Variants in SNTG2 observed in about 807,000 individuals in gnomAD.
The protein encoded by SNTG2 is gamma-2-syntrophin.
SNTG2 carries 74 observed loss-of-function variants against 70.9 expected under a neutral mutation model. The observed-to-expected ratio is 1.04, with a 90% confidence interval of 0.86 to 1.27. The LOEUF (loss-of-function observed/expected upper bound fraction) is 1.27. Among genes scored for constraint, SNTG2 ranks in the 50% most tolerant of loss-of-function variants. SNTG2 has a pLI of 0.00. For missense variants in SNTG2, 717 were observed against 690.7 expected (o/e 1.04, Z -0.43); for synonymous variants, 278 against 273.8 (o/e 1.02, Z -0.15).
chr2:980,496 GT>G (rs1253922829), intron 1 of SNTG2, among the ~76,000 whole-genome samples: 3 of 152,074 alleles, frequency 2.0e-5, no homozygotes, highest in African/African-American at 7.2e-5. Flanking sequence ...CAACATTCAC[GT>G]TTTCATCTTG....
At chr2:1,190,998 C>A (rs1225637721) in intron 8 of SNTG2, among the ~76,000 whole-genome samples, 1 of 152,092 alleles carries the variant, frequency 6.6e-6, no homozygotes, top group Non-Finnish European at 1.5e-5. Flanking sequence ...TTTACATGCT[C>A]CTTCAGAGAC....
rs200015729 is a variant in SNTG2 at position 1,329,259 on chromosome 2, AAAC to A, written c.1488+12899_1488+12901del. ...ATTTAGCTTAAGAGAAAAGGCTAAA[AAAC>A]AACAACAACAACAAAAAATGTCTAT... is the stretch of plus-strand genomic sequence containing the variant. On this transcript the variant is annotated intron_variant, in intron 16 of 16. Transcript: ENST00000308624. 2.7e-3 allele frequency among the ~76,000 whole-genome samples: 414 copies of A among 152,296 alleles called. 1 individual carries two copies. Among genetic ancestry groups the A allele is most frequent in the South Asian group, 0.012 (60 of 4,828 alleles).
At chr2:982,652 G>A (rs1661145636) in intron 1 of SNTG2, among the ~76,000 whole-genome samples, 1 of 152,214 alleles carries the variant, frequency 6.6e-6, no homozygotes, top group South Asian at 2.1e-4. Flanking sequence ...GCATGCAGTG[G>A]GTTTCTGAAA....
intron 8 of SNTG2, among the ~76,000 whole-genome samples, chr2:1,189,568 T>TC (rs908282956): frequency 9.9e-5 from 15 of 151,964 alleles, no homozygotes; most frequent in African/African-American, 3.4e-4. Flanking sequence ...CTCTAACTTT[T>TC]TTTTTTTTGA....
rs61044800 is a variant in SNTG2, at chr2:985,632, A to G, written c.72+34564A>G. Among the ~76,000 whole-genome samples the G allele has an allele frequency of 5.0e-3, 755 of 152,188 alleles. 8 individuals are homozygous for G. The highest frequency in any genetic ancestry group is 0.015 in the African/African-American group (634 of 41,544). On this transcript the variant is annotated intron_variant, in intron 1 of 16. Transcript: ENST00000308624. ...GAGAAACAGATGCTGGTAAACTGAT[A>G]TCTCAGGCCTTCAGTCAGAAATCTA...
chr2:1,028,444 G>A (rs974495142), intron 1 of SNTG2, among the ~76,000 whole-genome samples: 1 of 152,240 alleles, frequency 6.6e-6, no homozygotes, highest in African/African-American at 2.4e-5. Flanking sequence ...ATGGACATCT[G>A]TAGTGTTTAA....
At chr2:1,026,843 C>T (rs950774873) in intron 1 of SNTG2, among the ~76,000 whole-genome samples, 2 of 152,204 alleles carry the variant, frequency 1.3e-5, no homozygotes, top group African/African-American at 2.4e-5. Flanking sequence ...CTCTTTGCCT[C>T]CTCCTTTTGC....
chr2:977,878 A>G (rs1660963978), intron 1 of SNTG2, among the ~76,000 whole-genome samples: 1 of 152,134 alleles, frequency 6.6e-6, no homozygotes, highest in African/African-American at 2.4e-5. Context: ...TCTTCAAGTA[A>G]CTGATCTCAT....
chr2:1,242,822 C>G (rs1170831785), intron 11 of SNTG2: 3 of 152,054 alleles, frequency 2.0e-5, no homozygotes, highest in Admixed American at 6.6e-5. Context: ...GAAGAGGACT[C>G]TCTTATAGAA....
At chr2:975,348 G>T (rs1012509547) in intron 1 of SNTG2, among the ~76,000 whole-genome samples, 3 of 151,580 alleles carry the variant, frequency 2.0e-5, no homozygotes, top group Admixed American at 6.6e-5. Context: ...AACACCACAT[G>T]CTTGGACTCA....
intron 4 of SNTG2, among the ~76,000 whole-genome samples, chr2:1,116,750 CG>C (rs1667016213): frequency 9.4e-6 from 1 of 106,146 alleles, no homozygotes; most frequent in African/African-American, 3.7e-5. Flanking sequence ...GTATGGGTGC[CG>C]TGGTGTGTCA....
intron 8 of SNTG2, among the ~76,000 whole-genome samples, chr2:1,182,746 T>A (rs1672000176): frequency 6.6e-6 from 1 of 152,090 alleles, no homozygotes; most frequent in Non-Finnish European, 1.5e-5. Flanking sequence ...ATAATCAGTT[T>A]TTTTGTTTGT....
intron 16 of SNTG2, among the ~76,000 whole-genome samples, chr2:1,360,082 T>C (rs1177750912): frequency 6.6e-6 from 1 of 152,150 alleles, no homozygotes; most frequent in Non-Finnish European, 1.5e-5. Context: ...ATTAAATGAT[T>C]GAAAGAAGTT....
chr2:1,230,416 T>C (rs1676135520), intron 9 of SNTG2, among the ~76,000 whole-genome samples: 1 of 152,172 alleles, frequency 6.6e-6, no homozygotes, highest in African/African-American at 2.4e-5. Context: ...CGAGAAGATT[T>C]CGGGACAGTT....
Position 954,699 on chromosome 2 carries a change from C to T in SNTG2, c.72+3631C>T, listed in dbSNP as rs116572721. On this transcript the variant is annotated intron_variant, in intron 1 of 16. Transcript: ENST00000308624. ...TGTAATCCCTCACCTGAGGACTGAC[C>T]CCAGCCTGTGGCTCTTCATCCCCTG... Among the ~76,000 whole-genome samples, 710 of 152,274 alleles carry T rather than the reference C, an allele frequency of 4.7e-3. 10 individuals carry two copies. Among genetic ancestry groups the T allele is most frequent in the African/African-American group, 0.016 (685 of 41,544 alleles).
chr2:1,320,186 T>G (rs899690418), intron 16 of SNTG2, among the ~76,000 whole-genome samples: 18 of 151,608 alleles, frequency 1.2e-4, no homozygotes, highest in African/African-American at 4.4e-4. Flanking sequence ...TAGGGAGGAG[T>G]TCTGGGGCTT....
chr2:1,308,133 T>A (rs992335229), intron 14 of SNTG2, among the ~76,000 whole-genome samples: 7 of 152,070 alleles, frequency 4.6e-5, no homozygotes, highest in Non-Finnish European at 7.4e-5. Context: ...TATTCCCCAA[T>A]AGGTACAATG....
At position 1,355,897 on chromosome 2, in the gene SNTG2, G is replaced by GGTAGT. The variant is rs1373367254; in HGVS notation, c.1489-11443_1489-11439dup. ...ACAGCAGTTATCCTGATGGATGTGAGGTAGTGTCTCAGTGTGGTTTTGATT... is the reference window on the plus strand; with the variant it reads ...ACAGCAGTTATCCTGATGGATGTGAGGTAGTGTAGTGTCTCAGTGTGGTTTTGATT... On this transcript the variant is annotated intron_variant, in intron 16 of 16. Transcript: ENST00000308624. Among the ~76,000 whole-genome samples the GGTAGT allele has an allele frequency of 3.3e-5, 5 of 152,306 alleles. No homozygotes were observed. In the East Asian group the frequency reaches 9.6e-4, roughly 29 times the overall value.
intron 1 of SNTG2, among the ~76,000 whole-genome samples, chr2:976,355 C>T (rs1227999711): frequency 1.3e-5 from 2 of 152,116 alleles, no homozygotes; most frequent in African/African-American, 2.4e-5. Context: ...TGTGACATAT[C>T]GATGTTGTGA....
Sources: allele counts gnomAD v4.1 joint callset (sites outside exome capture counted in the v4.1 genomes callset), GRCh38; gene constraint gnomAD v4.1.1; transcripts MANE v1.5; gene names NCBI Gene and HGNC (gene_info 2026-07-23, HGNC 2026-07-21).